The following ZBTB7C variants were observed in gnomAD, a reference collection of about 807,000 sequenced individuals.
The protein encoded by ZBTB7C is zinc finger and BTB domain-containing protein 7C.
A neutral mutation model predicts 25.7 loss-of-function variants in ZBTB7C; 8 were observed. The observed-to-expected ratio is 0.31, with a 90% CI of 0.18 to 0.56. The LOEUF (loss-of-function observed/expected upper bound fraction) is 0.56, where lower values mean the gene tolerates loss of function less well. Among genes scored for constraint, ZBTB7C ranks in the 20% least tolerant of loss-of-function variants. ZBTB7C has a pLI of 0.91. For synonymous variants in ZBTB7C, 394 were observed against 369.0 expected (o/e 1.07, Z -0.78); for missense variants, 824 against 855.2 (o/e 0.96, Z 0.46).
intron 2 of ZBTB7C, among the ~76,000 whole-genome samples, chr18:48,302,763 T>C (rs1448496153): frequency 6.6e-6 from 1 of 152,204 alleles, no homozygotes; most frequent in Non-Finnish European, 1.5e-5. Context: ...GACTCCAGTC[T>C]TGCTGGCAGC....
At chr18:48,281,702 AT>A (rs2044856818) in intron 2 of ZBTB7C, among the ~76,000 whole-genome samples, 1 of 152,114 alleles carries the variant, frequency 6.6e-6, no homozygotes, top group Non-Finnish European at 1.5e-5. Context: ...CAAAAAACAC[AT>A]GAAAAAATGC....
intron 2 of ZBTB7C, among the ~76,000 whole-genome samples, chr18:48,248,548 A>C (rs1409524716): frequency 6.6e-6 from 1 of 152,098 alleles, no homozygotes; most frequent in Non-Finnish European, 1.5e-5. Context: ...TTGTCCTCTG[A>C]CTATGCTTTA....
intron 3 of ZBTB7C, among the ~76,000 whole-genome samples, chr18:48,129,294 T>C (rs1469191441): frequency 6.7e-6 from 1 of 148,930 alleles, no homozygotes; most frequent in Non-Finnish European, 1.5e-5. Flanking sequence ...CCCCATCTCC[T>C]GGTTAGAACC....
intron 1 of ZBTB7C, among the ~76,000 whole-genome samples, chr18:48,383,888 G>A (rs956455563): frequency 3.9e-5 from 6 of 152,158 alleles, no homozygotes; most frequent in Non-Finnish European, 8.8e-5. Flanking sequence ...AGGGAGCTCT[G>A]GAAGCCAGGC....
At chr18:48,169,199 G>A (rs1415435352) in intron 3 of ZBTB7C, among the ~76,000 whole-genome samples, 1 of 152,186 alleles carries the variant, frequency 6.6e-6, no homozygotes, top group Non-Finnish European at 1.5e-5. Flanking sequence ...GCTCCTGCAC[G>A]CATTGTCCCA....
chr18:48,102,425 T>C (rs2038862157), intron 3 of ZBTB7C, among the ~76,000 whole-genome samples: 2 of 152,020 alleles, frequency 1.3e-5, no homozygotes. Flanking sequence ...AATAGCCTAG[T>C]ATGGTAGTGC....
intron 2 of ZBTB7C, among the ~76,000 whole-genome samples, chr18:48,255,891 TC>T: frequency 6.6e-6 from 1 of 152,020 alleles, no homozygotes; most frequent in East Asian, 1.9e-4. Context: ...CCCTCCACCC[TC>T]CCCTATTTTC....
chr18:48,105,161 C>T (rs1370405321), intron 3 of ZBTB7C, among the ~76,000 whole-genome samples: 1 of 152,176 alleles, frequency 6.6e-6, no homozygotes, highest in African/African-American at 2.4e-5. Flanking sequence ...ACCCCATGAC[C>T]CCCAATTCTG....
intron 2 of ZBTB7C, among the ~76,000 whole-genome samples, chr18:48,277,904 GATGC>G (rs2044714627): frequency 6.6e-6 from 1 of 152,018 alleles, no homozygotes; most frequent in African/African-American, 2.4e-5. Context: ...TCTCTTTGAG[GATGC>G]AAGGGGGAGG....
At chr18:48,295,119 G>C (rs752386741) in intron 2 of ZBTB7C, among the ~76,000 whole-genome samples, 32 of 152,168 alleles carry the variant, frequency 2.1e-4, no homozygotes, top group Non-Finnish European at 4.1e-4. Context: ...CTCCACAGGG[G>C]AGAAGCCCAG....
rs184933255 is a variant in ZBTB7C, at chr18:48,104,993, T to C, written c.-16-63870A>G. On this transcript the variant is annotated intron_variant, in intron 3 of 4. Coordinates refer to ENST00000590800, the MANE Select transcript of ZBTB7C (RefSeq NM_001318841.2). ...TGCTACAGGCAAACTCCCACAGTGC[T>C]CACCATTGGAAACATACTGATCCCC... 1.1e-3 allele frequency among the ~76,000 whole-genome samples: 169 copies of C among 152,316 alleles called. 1 individual carries two copies. The highest frequency in any genetic ancestry group is 5.9e-5 in the Non-Finnish European group (4 of 68,016).
At chr18:48,155,686 A>T (rs897394087) in intron 3 of ZBTB7C, among the ~76,000 whole-genome samples, 1 of 152,048 alleles carries the variant, frequency 6.6e-6, no homozygotes. Flanking sequence ...TTGAAATGTA[A>T]ACGATTTCCT....
chr18:48,204,384 T>C (rs2042530357), intron 2 of ZBTB7C, among the ~76,000 whole-genome samples: 2 of 152,164 alleles, frequency 1.3e-5, no homozygotes, highest in Admixed American at 1.3e-4. Flanking sequence ...TTCTTGGCCT[T>C]CTGGGCTGCT....
chr18:48,085,918 G>A lies in ZBTB7C; in HGVS notation c.-16-44795C>T, dbSNP rs190841894. ...TGAGGGGCTCTGGTTCCTTCTCCAGGATCCCTGCCTGACCATGCCTAGGCC... is the reference window on the plus strand; with the variant it reads ...TGAGGGGCTCTGGTTCCTTCTCCAGAATCCCTGCCTGACCATGCCTAGGCC... On this transcript the variant is annotated intron_variant, in intron 3 of 4. Coordinates refer to ENST00000590800, the MANE Select transcript of ZBTB7C (RefSeq NM_001318841.2). Among the ~76,000 whole-genome samples, 983 of 152,274 alleles carry A rather than the reference G, an allele frequency of 6.5e-3. 2 individuals are homozygous for A. Among genetic ancestry groups the A allele is most frequent in the Non-Finnish European group, 9.6e-3 (652 of 68,024 alleles).
intron 1 of ZBTB7C, among the ~76,000 whole-genome samples, chr18:48,343,171 G>T (rs544963741): frequency 6.6e-6 from 1 of 152,048 alleles, no homozygotes; most frequent in African/African-American, 2.4e-5. Flanking sequence ...AAAATGATGC[G>T]GTTAGATTAA....
Position 48,029,829 on chromosome 18 carries a change from G to A in ZBTB7C, c.1291C>T (p.His431Tyr). The A allele has an allele frequency of 6.2e-7, 1 of 1,609,912 alleles. No homozygotes were observed. The highest frequency in any genetic ancestry group is 8.5e-7 in the Non-Finnish European group (1 of 1,180,004). Residue 431 changes from histidine to tyrosine, a missense_variant, in exon 5 of 5, where the codon CAC becomes TAC. This residue lies in a region of ZBTB7C where 342 missense variants were observed against 307.0 expected (regional missense o/e 1.11). Transcript: ENST00000590800. ...ATGTGGTTCTTGAGGTCGTAGTTGT[G>A]CACGAACTTGGCGTTGCAGTGGATG... ...LCIHCNAKFV[H>Y]NYDLKNHMRI...
intron 2 of ZBTB7C, among the ~76,000 whole-genome samples, chr18:48,281,490 T>C (rs376554312): frequency 0.071 from 10,767 of 151,782 alleles, 431 homozygotes; most frequent in African/African-American, 0.09. Context: ...AGCTTCTGCA[T>C]AGCAAAAGAA....
chr18:48,172,660 C>T (rs1013373981), intron 3 of ZBTB7C, among the ~76,000 whole-genome samples: 12 of 152,246 alleles, frequency 7.9e-5, no homozygotes, highest in Admixed American at 3.3e-4. Context: ...GCTGGCAAGT[C>T]GAGGGCAATG....
At chr18:48,172,956 GAACTCACTGCAGAGT>G (rs935628068) in intron 3 of ZBTB7C, among the ~76,000 whole-genome samples, 2 of 152,206 alleles carry the variant, frequency 1.3e-5, no homozygotes, top group Admixed American at 6.5e-5. Flanking sequence ...GCACAGCCAT[GAACTCACTGCAGAGT>G]AACTCACTGC....
Sources: gnomAD v4.1 joint callset for allele counts (sites outside exome capture counted in the v4.1 genomes callset) on GRCh38, gnomAD v4.1.1 for gene constraint, gnomAD v4.1.1 regional missense constraint, MANE v1.5 for transcripts, NCBI Gene and HGNC (gene_info 2026-07-23, HGNC 2026-07-21) for gene names.